The following KIRREL3 variants were observed in gnomAD, a reference collection of about 807,000 sequenced individuals.
KIRREL3 encodes kirre like nephrin family adhesion molecule 3.
KIRREL3 carries 36 observed loss-of-function variants against 89.7 expected under a neutral mutation model. The observed-to-expected ratio is 0.40, with a 90% CI of 0.31 to 0.53. KIRREL3 has a LOEUF of 0.53. Ranked by LOEUF, KIRREL3 falls within the 20% of genes least tolerant of loss-of-function variation. The pLI is 0.49. For synonymous variants in KIRREL3, 445 were observed against 441.4 expected, an observed-to-expected ratio of 1.01 and a Z score of -0.10; for missense variants, 864 against 1,056.6, an observed-to-expected ratio of 0.82 and a Z score of 2.53.
rs1591522634 is a variant in KIRREL3 at position 126,432,581 on chromosome 11, A to G, written c.1589-1055T>C. Among the ~76,000 whole-genome samples, 1 of 147,934 alleles carries G rather than the reference A, an allele frequency of 6.8e-6. No homozygotes were observed. The highest frequency in any genetic ancestry group is 1.5e-5 in the Non-Finnish European group (1 of 67,022). On this transcript the variant is annotated intron_variant, in intron 13 of 16. Coordinates refer to ENST00000525144, the MANE Select transcript of KIRREL3 (RefSeq NM_032531.4). The surrounding 1 kb of genome is among the most constrained non-coding windows in gnomAD (Gnocchi z 6.2). ...TCTCACTGCTCCCACCCCTCCACTC[A>G]CCCCACTCCCACCCCGTCCAGCTCC...
chr11:126,785,112 C>T (rs183269049), intron 1 of KIRREL3, among the ~76,000 whole-genome samples: 190 of 152,266 alleles, frequency 1.2e-3, no homozygotes, highest in Non-Finnish European at 6.9e-4. Flanking sequence ...CTAAACTCTA[C>T]TGAATCCTCG....
chr11:126,738,589 A>G (rs1171064345), intron 1 of KIRREL3, among the ~76,000 whole-genome samples: 1 of 152,122 alleles, frequency 6.6e-6, no homozygotes, highest in African/African-American at 2.4e-5. Flanking sequence ...CTGGGTGGTA[A>G]TTAATAGCAC....
chr11:126,958,382 C>G (rs1457255347), intron 1 of KIRREL3, among the ~76,000 whole-genome samples: 3 of 152,226 alleles, frequency 2.0e-5, no homozygotes, highest in Admixed American at 2.0e-4. Flanking sequence ...GAGCCCAACT[C>G]CCATCCTCTG....
chr11:126,732,261 A>G (rs1209576113), intron 1 of KIRREL3, among the ~76,000 whole-genome samples: 3 of 152,366 alleles, frequency 2.0e-5, no homozygotes, highest in Non-Finnish European at 2.9e-5. Flanking sequence ...CAGTGATTTC[A>G]TAATGATTCC....
rs1013768990 is a variant in KIRREL3 at position 126,844,529 on chromosome 11, G to A, written c.55+155926C>T. 6.6e-6 allele frequency among the ~76,000 whole-genome samples: 1 copy of A among 152,102 alleles called. No individual in the cohort carries two copies. Among genetic ancestry groups the A allele is most frequent in the African/African-American group, 2.4e-5 (1 of 41,418 alleles). On this transcript the variant is annotated intron_variant, in intron 1 of 16. Transcript: ENST00000525144. This position sits in a 1 kb window ranked among gnomAD's most constrained non-coding sequence, Gnocchi z 4.8. ...GATTGGGTTAGGGGCCCAACTTAGG[G>A]CAGTTGGAGTCTCTCCTAAGACAGA...
In KIRREL3 at chr11:126,562,889, ATCC is replaced by A; in HGVS notation, c.76_78del (p.Gly26del). 1 of 1,613,824 alleles carries A rather than the reference ATCC, an allele frequency of 6.2e-7. No individual in the cohort carries two copies. The highest frequency in any genetic ancestry group is 8.5e-7 in the Non-Finnish European group (1 of 1,179,792). ...GCCATGTAGCCCAGCACCAGACAGC[ATCC>A]TCTCTTCTGGAGGCCCAGCTCTGGA... On this transcript the variant is annotated inframe_deletion, in exon 2 of 17. Transcript: ENST00000525144. The surrounding 1 kb of genome is among the most constrained non-coding windows in gnomAD (Gnocchi z 4.7).
intron 1 of KIRREL3, among the ~76,000 whole-genome samples, chr11:126,584,414 T>C (rs1424727006): frequency 4.6e-5 from 7 of 152,240 alleles, no homozygotes; most frequent in East Asian, 3.9e-4. Flanking sequence ...TCTCTGACTG[T>C]AGCTCCTCAC....
intron 1 of KIRREL3, among the ~76,000 whole-genome samples, chr11:126,800,802 G>A (rs1951007912): frequency 6.6e-6 from 1 of 152,198 alleles, no homozygotes; most frequent in South Asian, 2.1e-4. Flanking sequence ...TGGACAATGA[G>A]TGAGCAAACT....
At chr11:126,784,239 T>A (rs189525631) in intron 1 of KIRREL3, among the ~76,000 whole-genome samples, 213 of 152,356 alleles carry the variant, frequency 1.4e-3, no homozygotes, top group Admixed American at 2.4e-3. Context: ...TTCATAATAA[T>A]GTATCCATAC....
In KIRREL3 at chr11:126,802,477, C is replaced by A. The variant is rs1475159005; in HGVS notation, c.55+197978G>T. Among the ~76,000 whole-genome samples, 1 of 152,188 alleles carries A rather than the reference C, an allele frequency of 6.6e-6. No homozygotes were observed. The highest frequency in any genetic ancestry group is 1.5e-5 in the Non-Finnish European group (1 of 68,046). ...ATAGTCTGTGTGGCGTCGTTCTTCT[C>A]ATGTCTGCGTGGATTTTCTCTGTGT... On this transcript the variant is annotated intron_variant, in intron 1 of 16. Transcript: ENST00000525144. This position sits in a 1 kb window ranked among gnomAD's most constrained non-coding sequence, Gnocchi z 5.2.
intron 1 of KIRREL3, among the ~76,000 whole-genome samples, chr11:126,770,558 A>T (rs1949988678): frequency 6.6e-6 from 1 of 152,204 alleles, no homozygotes; most frequent in Non-Finnish European, 1.5e-5. Flanking sequence ...GGCGAAGCAC[A>T]TCGTGCCTCT....
At chr11:126,453,170 GATTA>G (rs1956239020) in intron 7 of KIRREL3, among the ~76,000 whole-genome samples, 2 of 151,656 alleles carry the variant, frequency 1.3e-5, no homozygotes, top group Non-Finnish European at 2.9e-5. Flanking sequence ...AATGTAAGAG[GATTA>G]ATTATTTATA....
chr11:126,923,141 T>C (rs1356056115), intron 1 of KIRREL3, among the ~76,000 whole-genome samples: 1 of 13,858 alleles, frequency 7.2e-5, no homozygotes. Context: ...CTTCTTCTTC[T>C]TCTTCTTCTT....
At chr11:126,864,050 C>T (rs909804989) in intron 1 of KIRREL3, among the ~76,000 whole-genome samples, 10 of 152,362 alleles carry the variant, frequency 6.6e-5, no homozygotes, top group Admixed American at 2.6e-4. Context: ...TCCTCCCCAA[C>T]CGGGCATCCT....
chr11:126,840,088 A>G (rs1943913604), intron 1 of KIRREL3, among the ~76,000 whole-genome samples: 1 of 152,202 alleles, frequency 6.6e-6, no homozygotes, highest in African/African-American at 2.4e-5. Flanking sequence ...TATGGAAATT[A>G]AGTTATATGG....
chr11:126,930,906 C>A (rs1947922765), intron 1 of KIRREL3, among the ~76,000 whole-genome samples: 1 of 152,216 alleles, frequency 6.6e-6, no homozygotes, highest in African/African-American at 2.4e-5. Context: ...CTCCTCTGTA[C>A]ATGTTCCTCC....
chr11:126,945,558 T>C (rs929292755), intron 1 of KIRREL3, among the ~76,000 whole-genome samples: 5 of 152,194 alleles, frequency 3.3e-5, no homozygotes, highest in Non-Finnish European at 7.3e-5. Context: ...GGGAAACAGA[T>C]CTCAGGTTTC....
rs34020660 is a variant in KIRREL3, at chr11:126,948,326, C to T, written c.55+52129G>A. On this transcript the variant is annotated intron_variant, in intron 1 of 16. Transcript: ENST00000525144. The surrounding 1 kb of genome is among the most constrained non-coding windows in gnomAD (Gnocchi z 4.5). ...ACCTCTTTGGCCTGAACCTGTCCAA[C>T]TTTATAGAGGGATCTCAGTACAACG... Among the ~76,000 whole-genome samples the T allele has an allele frequency of 0.14, 21,215 of 152,034 alleles. 1,899 individuals are homozygous for T. The highest frequency in any genetic ancestry group is 0.32 in the South Asian group (1,560 of 4,806).
intron 2 of KIRREL3, among the ~76,000 whole-genome samples, chr11:126,546,661 T>C (rs1300690368): frequency 6.6e-6 from 1 of 152,254 alleles, no homozygotes; most frequent in African/African-American, 2.4e-5. Flanking sequence ...GTCATTTTTA[T>C]TTATCTCACT....
Sources: allele counts gnomAD v4.1 joint callset (sites outside exome capture counted in the v4.1 genomes callset), GRCh38; gene constraint gnomAD v4.1.1; non-coding constraint Gnocchi (gnomAD v3.1); transcripts MANE v1.5; gene names NCBI Gene and HGNC (gene_info 2026-07-23, HGNC 2026-07-21).